COX7B2: variants seen among roughly 807,000 people sequenced by gnomAD.
The protein encoded by COX7B2 is cytochrome c oxidase subunit 7B2, mitochondrial.
For synonymous variants in COX7B2, 37 were observed against 32.1 expected, an observed-to-expected ratio of 1.15 and a Z score of -0.51; for missense variants, 109 against 95.9, an observed-to-expected ratio of 1.14 and a Z score of -0.57.
At chr4:46,835,230 A>G (rs775235247) in intron 2 of COX7B2, among the ~76,000 whole-genome samples, 9 of 152,130 alleles carry the variant, frequency 5.9e-5, no homozygotes, top group Non-Finnish European at 8.8e-5. Flanking sequence ...AAAATTACAA[A>G]TGCACCTAGT....
At chr4:46,828,386 T>C (rs1714836714) in intron 2 of COX7B2, among the ~76,000 whole-genome samples, 1 of 152,178 alleles carries the variant, frequency 6.6e-6, no homozygotes, top group African/African-American at 2.4e-5. Context: ...GTTTTCAAAT[T>C]AACAAAATTC....
intron 2 of COX7B2, among the ~76,000 whole-genome samples, chr4:46,744,262 C>T (rs557858571): frequency 6.6e-6 from 1 of 152,168 alleles, no homozygotes; most frequent in East Asian, 1.9e-4. Context: ...CAATGGGACA[C>T]CAGTCCCCTC....
At chr4:46,839,150 G>C (rs532218734) in intron 2 of COX7B2, among the ~76,000 whole-genome samples, 32 of 151,896 alleles carry the variant, frequency 2.1e-4, no homozygotes, top group Non-Finnish European at 4.3e-4. Flanking sequence ...TCCCAGAGTA[G>C]AGCAGCCTAT....
chr4:46,857,797 A>C (rs568875611), intron 1 of COX7B2, among the ~76,000 whole-genome samples: 1 of 152,344 alleles, frequency 6.6e-6, no homozygotes, highest in East Asian at 1.9e-4. Context: ...CAGTCAATGA[A>C]TGGGAGAAAA....
At chr4:46,906,292 A>G (rs576474741) in intron 1 of COX7B2, among the ~76,000 whole-genome samples, 1 of 152,290 alleles carries the variant, frequency 6.6e-6, no homozygotes, top group Non-Finnish European at 1.5e-5. Flanking sequence ...GCAACTGATG[A>G]TCCTGAAGCC....
chr4:46,874,248 C>A (rs1263384495), intron 1 of COX7B2, among the ~76,000 whole-genome samples: 4 of 152,036 alleles, frequency 2.6e-5, no homozygotes, highest in Non-Finnish European at 5.9e-5. Context: ...TAAGTACGAG[C>A]AACATGGTTG....
chr4:46,850,074 T>C lies in COX7B2; in HGVS notation c.-104-5060A>G, dbSNP rs141936830. Among the ~76,000 whole-genome samples, 1,115 of 151,974 alleles carry C rather than the reference T, an allele frequency of 7.3e-3. 16 individuals are homozygous for C. Among genetic ancestry groups the C allele is most frequent in the African/African-American group, 0.026 (1,073 of 41,396 alleles). On this transcript the variant is annotated intron_variant, in intron 1 of 2. Transcript: ENST00000355591. ...TAAGAATTTATTACAAGGATGATTA[T>C]ACTAAAGCATGTGTCTTCCTTAATG...
At chr4:46,752,438 A>G (rs7440992) in intron 2 of COX7B2, among the ~76,000 whole-genome samples, 49,675 of 151,930 alleles carry the variant, frequency 0.33, 8,384 homozygotes, top group South Asian at 0.47. Context: ...TACCCTGGCC[A>G]GAACTTCCAA....
At chr4:46,764,733 C>T (rs1375701460) in intron 2 of COX7B2, among the ~76,000 whole-genome samples, 2 of 148,978 alleles carry the variant, frequency 1.3e-5, no homozygotes, top group East Asian at 3.9e-4. Flanking sequence ...TAAGTGTTAT[C>T]TACATTAAAC....
chr4:46,883,772 C>T (rs901825520), intron 1 of COX7B2, among the ~76,000 whole-genome samples: 3 of 138,796 alleles, frequency 2.2e-5, no homozygotes, highest in South Asian at 2.5e-4. Context: ...TCAGAATAAA[C>T]CTTTAAAAAA....
intron 2 of COX7B2, among the ~76,000 whole-genome samples, chr4:46,822,373 G>C (rs998711391): frequency 6.7e-6 from 1 of 148,282 alleles, no homozygotes; most frequent in Non-Finnish European, 1.5e-5. Context: ...AGAAAAACTT[G>C]AGGAGATAAA....
At chr4:46,868,014 T>A (rs1717773886) in intron 1 of COX7B2, among the ~76,000 whole-genome samples, 1 of 152,138 alleles carries the variant, frequency 6.6e-6, no homozygotes. Flanking sequence ...CTGGGCTTTT[T>A]TATTGGTTGG....
At chr4:46,770,988 T>G (rs1040076899) in intron 2 of COX7B2, among the ~76,000 whole-genome samples, 1 of 152,018 alleles carries the variant, frequency 6.6e-6, no homozygotes, top group Admixed American at 6.6e-5. Flanking sequence ...TGCATCAAAC[T>G]AAAAAGCTTT....
intron 1 of COX7B2, among the ~76,000 whole-genome samples, chr4:46,883,963 T>TTAG (rs1718907917): frequency 6.6e-6 from 1 of 152,158 alleles, no homozygotes; most frequent in Non-Finnish European, 1.5e-5. Context: ...AATGACAATT[T>TTAG]CAGTGTTATG....
At chr4:46,856,289 A>C (rs922062663) in intron 1 of COX7B2, among the ~76,000 whole-genome samples, 2 of 152,142 alleles carry the variant, frequency 1.3e-5, no homozygotes, top group Non-Finnish European at 2.9e-5. Context: ...TCCAATTCCT[A>C]AAGACCAGTG....
intron 2 of COX7B2, among the ~76,000 whole-genome samples, chr4:46,774,252 G>C (rs1206480376): frequency 6.6e-6 from 1 of 152,050 alleles, no homozygotes; most frequent in Non-Finnish European, 1.5e-5. Context: ...TTCTTGGCTT[G>C]GTTAGCAACA....
At chr4:46,794,886 T>C (rs1485317156) in intron 2 of COX7B2, among the ~76,000 whole-genome samples, 2 of 152,180 alleles carry the variant, frequency 1.3e-5, no homozygotes, top group Non-Finnish European at 2.9e-5. Context: ...CAAGGTCAAG[T>C]GAACAAAACT....
At chr4:46,804,257 T>C (rs1718846764) in intron 2 of COX7B2, among the ~76,000 whole-genome samples, 1 of 152,136 alleles carries the variant, frequency 6.6e-6, no homozygotes, top group African/African-American at 2.4e-5. Context: ...GAGTGAGCAG[T>C]AGCAAGACTT....
chr4:46,887,736 A>C (rs923112413), intron 1 of COX7B2, among the ~76,000 whole-genome samples: 8 of 151,088 alleles, frequency 5.3e-5, no homozygotes, highest in Non-Finnish European at 1.0e-4. Flanking sequence ...AAAAAAAGGA[A>C]GTATCCTATA....
Sources: allele counts gnomAD v4.1 joint callset (sites outside exome capture counted in the v4.1 genomes callset), GRCh38; gene constraint gnomAD v4.1.1; transcripts MANE v1.5; gene names NCBI Gene and HGNC (gene_info 2026-07-23, HGNC 2026-07-21).